The following RORA variants were observed in gnomAD, a reference collection of about 807,000 sequenced individuals.
The protein encoded by RORA is RAR related orphan receptor A, also known as nuclear receptor ROR-alpha.
In RORA, 7 loss-of-function variants were observed where a neutral mutation model predicts 69.5. The observed-to-expected ratio is 0.10, with a 90% CI of 0.06 to 0.19. The LOEUF (loss-of-function observed/expected upper bound fraction) is 0.19, where lower values mean the gene tolerates loss of function less well. RORA is among the 10% of genes least tolerant of loss of function. RORA has a pLI of 1.00. For missense variants in RORA, 457 were observed against 663.0 expected (o/e 0.69, Z 3.41); for synonymous variants, 261 against 240.8 (o/e 1.08, Z -0.78).
intron 1 of RORA, among the ~76,000 whole-genome samples, chr15:61,156,758 T>C (rs1212609493): frequency 6.6e-6 from 1 of 152,228 alleles, no homozygotes; most frequent in African/African-American, 2.4e-5. Flanking sequence ...ATGTTAAATC[T>C]GAGGTGAAAA....
At chr15:60,755,568 T>C (rs552995636) in intron 1 of RORA, among the ~76,000 whole-genome samples, 2 of 152,252 alleles carry the variant, frequency 1.3e-5, no homozygotes, top group South Asian at 4.2e-4. Flanking sequence ...ACACCGACTT[T>C]CACAATGGTT....
intron 2 of RORA, among the ~76,000 whole-genome samples, chr15:60,555,243 T>C (rs1232290432): frequency 6.6e-6 from 1 of 152,198 alleles, no homozygotes; most frequent in Non-Finnish European, 1.5e-5. Flanking sequence ...AATGCATTAC[T>C]CTTACCCTTA....
intron 8 of RORA, among the ~76,000 whole-genome samples, 154 bp downstream of exon 8, chr15:60,502,606 C>A (rs2065366114): frequency 6.6e-6 from 1 of 152,146 alleles, no homozygotes; most frequent in African/African-American, 2.4e-5. Flanking sequence ...TATGACTTTT[C>A]TACAGTGACT....
At chr15:60,539,159 A>T (rs911373934) in intron 2 of RORA, among the ~76,000 whole-genome samples, 7 of 152,216 alleles carry the variant, frequency 4.6e-5, no homozygotes, top group Admixed American at 6.5e-5. Flanking sequence ...ATACTGCGCC[A>T]GAATGTCCCA....
chr15:60,713,241 C>T (rs528941656), intron 1 of RORA, among the ~76,000 whole-genome samples: 5 of 152,208 alleles, frequency 3.3e-5, no homozygotes, highest in East Asian at 1.9e-4. Flanking sequence ...CTAACCTGGG[C>T]GCTGGCAAGT....
At chr15:60,911,313 G>A (rs778996356) in intron 1 of RORA, among the ~76,000 whole-genome samples, 22 of 152,016 alleles carry the variant, frequency 1.4e-4, no homozygotes, top group Non-Finnish European at 3.1e-4. Context: ...CTGGTGGACT[G>A]ATGGAATGCC....
chr15:60,896,182 T>C (rs1039001319), intron 1 of RORA, among the ~76,000 whole-genome samples: 2 of 152,216 alleles, frequency 1.3e-5, no homozygotes, highest in African/African-American at 4.8e-5. Flanking sequence ...TGGAGTTTGA[T>C]CCTCATGAGA....
Position 61,153,328 on chromosome 15 carries a change from T to A in RORA, c.166+75725A>T, listed in dbSNP as rs1181455278. Among the ~76,000 whole-genome samples, 7 of 152,314 alleles carry A rather than the reference T, an allele frequency of 4.6e-5. No individual in the cohort carries two copies. The East Asian group carries it at 1.2e-3, about 25-fold the overall frequency. ...TGTATACCTAAGTGGGGTGGGATGG[T>A]TTATCCCTCAATGTTTTGATTCTCC... is the stretch of plus-strand genomic sequence containing the variant. On this transcript the variant is annotated intron_variant, in intron 1 of 10. Coordinates refer to ENST00000335670, the MANE Select transcript of RORA (RefSeq NM_134261.3).
intron 1 of RORA, among the ~76,000 whole-genome samples, chr15:60,734,401 C>A (rs2071471883): frequency 6.6e-6 from 1 of 152,190 alleles, no homozygotes; most frequent in African/African-American, 2.4e-5. Context: ...CTGGAGAAAT[C>A]TCTCTTCTTA....
At chr15:61,024,933 C>T (rs1895725435) in intron 1 of RORA, among the ~76,000 whole-genome samples, 1 of 152,174 alleles carries the variant, frequency 6.6e-6, no homozygotes, top group Non-Finnish European at 1.5e-5. Context: ...TGTTAGACAA[C>T]AGACCTATAA....
At chr15:61,150,314 C>T (rs1179658334) in intron 1 of RORA, among the ~76,000 whole-genome samples, 1 of 152,202 alleles carries the variant, frequency 6.6e-6, no homozygotes, top group Non-Finnish European at 1.5e-5. Flanking sequence ...ACATCAATTG[C>T]CATTCTTTAA....
In RORA at chr15:60,978,961, C is replaced by CTT. The variant is rs543353825; in HGVS notation, c.166+250090_166+250091dup. On this transcript the variant is annotated intron_variant, in intron 1 of 10. Transcript: ENST00000335670. ...GAAGTGTGAGTCCTCCAACTTTGCTCTTTTTTTTTTTTTTTTTTGAGACGG... is the reference window on the plus strand; with the variant it reads ...GAAGTGTGAGTCCTCCAACTTTGCTCTTTTTTTTTTTTTTTTTTTTGAGACGG... Among the ~76,000 whole-genome samples, 11 of 95,136 alleles carry CTT rather than the reference C, an allele frequency of 1.2e-4. 1 individual carries two copies. The highest frequency in any genetic ancestry group is 3.6e-4 in the South Asian group (1 of 2,744). The allele number at this position is 95,136 out of a possible 152,430, so 62.4% of individuals were successfully genotyped here.
At position 60,698,441 on chromosome 15, in the gene RORA, GA is replaced by G. The variant is rs2070935122; in HGVS notation, c.167-19756del. On this transcript the variant is annotated intron_variant, in intron 1 of 10. Transcript: ENST00000335670. ...AAGGATACATTATGATTTAAATACT[GA>G]AAATACTATATATTCACTGTAGGAC... is the stretch of plus-strand genomic sequence containing the variant. 6.6e-5 allele frequency among the ~76,000 whole-genome samples: 10 copies of G among 152,106 alleles called. No homozygotes were observed. In the South Asian group the frequency reaches 1.9e-3, roughly 28 times the overall value.
intron 1 of RORA, among the ~76,000 whole-genome samples, chr15:60,870,046 C>A (rs2073537639): frequency 6.6e-6 from 1 of 152,214 alleles, no homozygotes; most frequent in Non-Finnish European, 1.5e-5. Flanking sequence ...ATGAAGTAGT[C>A]TTTGCAACAA....
At chr15:60,835,348 T>C (rs1456125167) in intron 1 of RORA, among the ~76,000 whole-genome samples, 3 of 152,242 alleles carry the variant, frequency 2.0e-5, no homozygotes, top group Non-Finnish European at 2.9e-5. Context: ...CTCTCTGGGT[T>C]GCTGGTGTTC....
chr15:61,090,824 T>A (rs1346670255), intron 1 of RORA, among the ~76,000 whole-genome samples: 1 of 152,146 alleles, frequency 6.6e-6, no homozygotes, highest in East Asian at 1.9e-4. Flanking sequence ...GCCACTGTTA[T>A]TCACCCCTGC....
chr15:60,689,410 C>T (rs1175990864), intron 1 of RORA, among the ~76,000 whole-genome samples: 1 of 152,078 alleles, frequency 6.6e-6, no homozygotes, highest in Non-Finnish European at 1.5e-5. Context: ...ATTGACATAC[C>T]TTGTTATATT....
intron 2 of RORA, among the ~76,000 whole-genome samples, chr15:60,532,373 T>A (rs558785323): frequency 6.6e-6 from 1 of 152,208 alleles, no homozygotes; most frequent in Non-Finnish European, 1.5e-5. Flanking sequence ...GCAGTTGCCA[T>A]GTGTTAAAAA....
At chr15:61,028,152 A>G (rs1353449323) in intron 1 of RORA, among the ~76,000 whole-genome samples, 2 of 152,166 alleles carry the variant, frequency 1.3e-5, no homozygotes, top group East Asian at 1.9e-4. Flanking sequence ...CAATGTATTC[A>G]CATCAGGACC....
Sources: gnomAD v4.1 joint callset for allele counts (sites outside exome capture counted in the v4.1 genomes callset) on GRCh38, gnomAD v4.1.1 for gene constraint, MANE v1.5 for transcripts, NCBI Gene and HGNC (gene_info 2026-07-23, HGNC 2026-07-21) for gene names.